Variants in SCFD2 observed in about 807,000 individuals in gnomAD.
SCFD2 encodes sec1 family domain containing 2.
A neutral mutation model predicts 58.9 loss-of-function variants in SCFD2; 54 were observed. The observed-to-expected ratio is 0.92, with a 90% confidence interval of 0.74 to 1.15. The LOEUF is 1.15. SCFD2 is among the 50% of genes most tolerant of loss of function. The pLI, the probability that SCFD2 is intolerant of heterozygous loss-of-function variation, is 0.00. For synonymous variants in SCFD2, 321 were observed against 335.9 expected (o/e 0.96, Z 0.49); for missense variants, 805 against 836.6 (o/e 0.96, Z 0.47).
chr4:53,365,732 C>A lies in SCFD2; in HGVS notation c.210G>T (p.Gln70His). ...AGCTCAGCACAAACACTGCCTTGGG[C>A]TGCTTGGCTCCACCACCAATTGCGT... The part of the protein sequence containing the change: ...EPDAIGGGAK[Q>H]PKAVFVLSCL... Residue 70 changes from glutamine (Q) to histidine (H), a missense_variant, in exon 1 of 9, where the codon CAG becomes CAT. Physicochemically the swap from Gln to His is conservative, Grantham distance 24. This residue lies in a region of SCFD2 where 155 missense variants were observed against 149.7 expected (regional missense o/e 1.04). Coordinates refer to ENST00000401642, the MANE Select transcript of SCFD2 (RefSeq NM_152540.4). The surrounding 1 kb of genome is among the most constrained non-coding windows in gnomAD (Gnocchi z 4.3). 6.2e-7 allele frequency: 1 copy of A among 1,614,060 alleles called. No homozygotes were observed. Among genetic ancestry groups the A allele is most frequent in the Non-Finnish European group, 8.5e-7 (1 of 1,179,964 alleles).
intron 5 of SCFD2, among the ~76,000 whole-genome samples, chr4:52,980,504 GCC>G (rs1322364480): frequency 1.3e-5 from 2 of 152,086 alleles, no homozygotes; most frequent in Non-Finnish European, 2.9e-5. Flanking sequence ...TTTTAGTGAG[GCC>G]CCCAAGTTAG....
Position 53,291,707 on chromosome 4 carries a change from T to G in SCFD2, c.1136-17706A>C, listed in dbSNP as rs148297556. On this transcript the variant is annotated intron_variant, in intron 3 of 8. Transcript: ENST00000401642. ...AGCAAAAAGAACAAAGCTGGAGGCA[T>G]CATGCTACCCAACTTCAAACTATAC... 2.8e-3 allele frequency among the ~76,000 whole-genome samples: 423 copies of G among 152,024 alleles called. 4 individuals are homozygous for G. The highest frequency in any genetic ancestry group is 5.6e-3 in the Admixed American group (86 of 15,268).
chr4:53,004,166 C>A (rs2148802428), intron 5 of SCFD2, among the ~76,000 whole-genome samples: 1 of 152,168 alleles, frequency 6.6e-6, no homozygotes, highest in East Asian at 1.9e-4. Flanking sequence ...AGAACATGCA[C>A]ACGATATGTG....
chr4:53,080,297 C>A (rs1430112448), intron 5 of SCFD2, among the ~76,000 whole-genome samples: 1 of 152,102 alleles, frequency 6.6e-6, no homozygotes, highest in Non-Finnish European at 1.5e-5. Context: ...TTTCCAATCT[C>A]CACTCAGGAA....
At chr4:53,334,921 G>T (rs1280034126) in intron 2 of SCFD2, among the ~76,000 whole-genome samples, 1 of 152,094 alleles carries the variant, frequency 6.6e-6, no homozygotes, top group African/African-American at 2.4e-5. Context: ...AACAGGCAGG[G>T]CGCGATGGCT....
chr4:52,926,208 A>G (rs968090754), intron 5 of SCFD2, among the ~76,000 whole-genome samples: 6 of 152,034 alleles, frequency 3.9e-5, no homozygotes, highest in African/African-American at 1.2e-4. Context: ...TCTCTCAGGA[A>G]ACAGTCTTGA....
intron 4 of SCFD2, among the ~76,000 whole-genome samples, chr4:53,222,761 C>A (rs1729086274): frequency 6.6e-6 from 1 of 152,054 alleles, no homozygotes; most frequent in Admixed American, 6.6e-5. Flanking sequence ...AAATAATATG[C>A]CAGAAGAAAG....
chr4:52,962,755 G>A (rs1207715246), intron 5 of SCFD2, among the ~76,000 whole-genome samples: 1 of 152,172 alleles, frequency 6.6e-6, no homozygotes, highest in South Asian at 2.1e-4. Flanking sequence ...GCTTTAATCA[G>A]CAGTAGGAAA....
At chr4:53,332,844 A>T (rs1338326627) in intron 2 of SCFD2, among the ~76,000 whole-genome samples, 1 of 150,484 alleles carries the variant, frequency 6.6e-6, no homozygotes, top group Non-Finnish European at 1.5e-5. Flanking sequence ...TATATCTAGA[A>T]AACCCCATTG....
chr4:53,021,192 C>T (rs1351161837), intron 5 of SCFD2, among the ~76,000 whole-genome samples: 7 of 152,126 alleles, frequency 4.6e-5, no homozygotes, highest in Non-Finnish European at 7.4e-5. Flanking sequence ...GACAGAGTTG[C>T]CACATGTCTG....
At chr4:52,962,497 T>C (rs1298823863) in intron 5 of SCFD2, among the ~76,000 whole-genome samples, 1 of 152,208 alleles carries the variant, frequency 6.6e-6, no homozygotes, top group East Asian at 1.9e-4. Flanking sequence ...TAGGTTGTAG[T>C]ATTTTCTCCT....
chr4:53,289,666 T>A (rs1731777266), intron 3 of SCFD2, among the ~76,000 whole-genome samples: 1 of 151,932 alleles, frequency 6.6e-6, no homozygotes, highest in Non-Finnish European at 1.5e-5. Flanking sequence ...AAGTCACCAA[T>A]CAGAAGATAT....
chr4:53,335,441 C>T (rs1019733789), intron 2 of SCFD2, among the ~76,000 whole-genome samples: 26 of 152,132 alleles, frequency 1.7e-4, no homozygotes, highest in Admixed American at 1.5e-3. Context: ...GTGCTTCTGA[C>T]TGACATCCTT....
At chr4:53,287,068 C>T (rs1731690335) in intron 3 of SCFD2, among the ~76,000 whole-genome samples, 1 of 152,130 alleles carries the variant, frequency 6.6e-6, no homozygotes, top group African/African-American at 2.4e-5. Context: ...GTGCCCTGAC[C>T]CCTAGGACCA....
At chr4:52,974,068 G>A (rs546561062) in intron 5 of SCFD2, among the ~76,000 whole-genome samples, 1 of 152,278 alleles carries the variant, frequency 6.6e-6, no homozygotes, top group South Asian at 2.1e-4. Context: ...ATATCATACT[G>A]AATAGGCAAA....
At chr4:53,282,161 GTTAA>G (rs1731527666) in intron 3 of SCFD2, among the ~76,000 whole-genome samples, 1 of 152,110 alleles carries the variant, frequency 6.6e-6, no homozygotes, top group African/African-American at 2.4e-5. Context: ...TTGTTATGAG[GTTAA>G]TTCTTTCTAC....
At chr4:53,284,193 T>C (rs1731594835) in intron 3 of SCFD2, among the ~76,000 whole-genome samples, 1 of 151,712 alleles carries the variant, frequency 6.6e-6, no homozygotes, top group African/African-American at 2.4e-5. Context: ...GTTTCTTTCA[T>C]GGCATTTTAT....
chr4:53,171,393 T>C lies in SCFD2; in HGVS notation c.1312-25811A>G, dbSNP rs1577799824. Among the ~76,000 whole-genome samples the C allele has an allele frequency of 4.6e-5, 7 of 152,346 alleles. No homozygotes were observed. In the South Asian group the frequency reaches 1.5e-3, roughly 32 times the overall value. ...TGTTCATTGTGAATTATCCTTTTGGTATATTGTTGAATTCAGTTTGCTACT... is the reference window on the plus strand; with the variant it reads ...TGTTCATTGTGAATTATCCTTTTGGCATATTGTTGAATTCAGTTTGCTACT... On this transcript the variant is annotated intron_variant, in intron 4 of 8. Coordinates refer to ENST00000401642, the MANE Select transcript of SCFD2 (RefSeq NM_152540.4).
chr4:52,900,838 T>C (rs1318148782), intron 7 of SCFD2, among the ~76,000 whole-genome samples: 1 of 152,114 alleles, frequency 6.6e-6, no homozygotes, highest in Non-Finnish European at 1.5e-5. Context: ...GCCTGAGCAA[T>C]GGCGGGCACC....
Sources: allele counts gnomAD v4.1 joint callset (sites outside exome capture counted in the v4.1 genomes callset), GRCh38; gene constraint gnomAD v4.1.1; regional missense constraint gnomAD v4.1.1; non-coding constraint Gnocchi (gnomAD v3.1); transcripts MANE v1.5; gene names NCBI Gene and HGNC (gene_info 2026-07-23, HGNC 2026-07-21).